DPP6: variants seen among roughly 807,000 people sequenced by gnomAD.
The protein encoded by DPP6 is dipeptidyl peptidase like 6.
A neutral mutation model predicts 122.6 loss-of-function variants in DPP6; 69 were observed. The ratio of observed to expected loss-of-function variants is 0.56; its 90% CI spans 0.46 to 0.69. The LOEUF is 0.69. Ranked by LOEUF, DPP6 falls within the 30% of genes least tolerant of loss-of-function variation. The pLI is 0.00. For synonymous variants in DPP6, 418 were observed against 433.1 expected, an observed-to-expected ratio of 0.97 and a Z score of 0.43; for missense variants, 928 against 1,116.9, an observed-to-expected ratio of 0.83 and a Z score of 2.41.
In DPP6 at chr7:154,295,246, G is replaced by A. The variant is rs561620848; in HGVS notation, c.244-150968G>A. On this transcript the variant is annotated intron_variant, in intron 1 of 25. Transcript: ENST00000377770. ...CCTGGAGGCCACCAGCCCAAAGCTG[G>A]AGTGAGACATGAGCTGGAGGGTAAC... is the stretch of plus-strand genomic sequence containing the variant. Among the ~76,000 whole-genome samples, 267 of 152,330 alleles carry A rather than the reference G, an allele frequency of 1.8e-3. 1 individual carries two copies. Among genetic ancestry groups the A allele is most frequent in the African/African-American group, 6.2e-3 (257 of 41,578 alleles).
At chr7:154,878,637 C>A (rs1055043139) in intron 20 of DPP6, among the ~76,000 whole-genome samples, 1 of 152,240 alleles carries the variant, frequency 6.6e-6, no homozygotes, top group Non-Finnish European at 1.5e-5. Flanking sequence ...CCACCATATC[C>A]TCACCGAGGA....
At position 154,481,496 on chromosome 7, in the gene DPP6, C is replaced by A. The variant is rs891097431; in HGVS notation, c.457+6459C>A. ...TCCCCCAACCTCTTCACAGACCCCC[C>A]GCTGCCCACTGTGCGAGCACAGCCC... is the stretch of plus-strand genomic sequence containing the variant. On this transcript the variant is annotated intron_variant, in intron 3 of 25. Coordinates refer to ENST00000377770, the MANE Select transcript of DPP6 (RefSeq NM_130797.4). The surrounding 1 kb of genome is among the most constrained non-coding windows in gnomAD (Gnocchi z 4.2). Among the ~76,000 whole-genome samples, 2 of 151,720 alleles carry A rather than the reference C, an allele frequency of 1.3e-5. No homozygotes were observed. The highest frequency in any genetic ancestry group is 4.8e-5 in the African/African-American group (2 of 41,266).
chr7:154,294,834 C>T (rs563879146), intron 1 of DPP6, among the ~76,000 whole-genome samples: 5 of 152,268 alleles, frequency 3.3e-5, no homozygotes, highest in East Asian at 1.9e-4. Context: ...TGTGTTCCCC[C>T]GACAATCTGT....
intron 16 of DPP6, among the ~76,000 whole-genome samples, chr7:154,807,890 T>C (rs944846444): frequency 3.9e-5 from 6 of 152,172 alleles, no homozygotes; most frequent in African/African-American, 1.4e-4. Context: ...TTTCCCTATG[T>C]CCCAATTCAT....
intron 1 of DPP6, among the ~76,000 whole-genome samples, chr7:154,382,753 C>G (rs1160225332): frequency 6.6e-6 from 1 of 152,126 alleles, no homozygotes; most frequent in African/African-American, 2.4e-5. Context: ...GTTTTTGAGA[C>G]AGAGTTTTGC....
At chr7:154,091,144 G>A (rs1006160481) in intron 1 of DPP6, among the ~76,000 whole-genome samples, 3 of 151,534 alleles carry the variant, frequency 2.0e-5, no homozygotes, top group African/African-American at 7.3e-5. Context: ...AATCAATTCT[G>A]TGCAATTCAG....
chr7:154,096,792 A>G (rs941774430), intron 1 of DPP6, among the ~76,000 whole-genome samples: 1 of 152,262 alleles, frequency 6.6e-6, no homozygotes, highest in African/African-American at 2.4e-5. Context: ...AATTATGATT[A>G]AATGATTTCT....
chr7:154,060,500 T>A (rs1210284204), intron 1 of DPP6, among the ~76,000 whole-genome samples: 1 of 134,938 alleles, frequency 7.4e-6, no homozygotes, highest in Non-Finnish European at 1.6e-5. Context: ...CTAAGATCCT[T>A]AGGACCCACC....
chr7:154,822,533 T>G (rs749782687), intron 16 of DPP6, among the ~76,000 whole-genome samples: 5 of 152,076 alleles, frequency 3.3e-5, no homozygotes, highest in Non-Finnish European at 5.9e-5. Flanking sequence ...ACACAAACAT[T>G]CAAACCATAG....
chr7:154,488,382 C>T (rs1454977261), intron 3 of DPP6, among the ~76,000 whole-genome samples: 1 of 151,228 alleles, frequency 6.6e-6, no homozygotes, highest in African/African-American at 2.4e-5. Context: ...CCCAGCTACT[C>T]GGGAGGCAGT....
At position 154,474,842 on chromosome 7, in the gene DPP6, T is replaced by G. The variant is rs1319969379; in HGVS notation, c.359-97T>G. 1.1e-5 allele frequency: 10 copies of G among 918,896 alleles called. No individual in the cohort carries two copies. In the African/African-American group the frequency reaches 1.6e-4, roughly 15 times the overall value. 56.9% of individuals were successfully genotyped at this position (918,896 alleles called of 1,614,324 possible). A position where few individuals can be genotyped will look rare whatever the true frequency, so the allele number is the denominator to read the frequency against. ...CTTATGGACGTCATGTGTGTTCCCA[T>G]CCATACTATTTATAAATGACAATCA... On this transcript the variant is annotated intron_variant, in intron 2 of 25. Transcript: ENST00000377770.
At chr7:154,148,187 G>A (rs190309978) in intron 1 of DPP6, among the ~76,000 whole-genome samples, 5,421 of 135,392 alleles carry the variant, frequency 0.04, 229 homozygotes, top group African/African-American at 0.15. Flanking sequence ...CACTGAGCAA[G>A]GCCTGGGGAG....
intron 1 of DPP6, among the ~76,000 whole-genome samples, chr7:153,972,374 G>C (rs2129033834): frequency 6.6e-6 from 1 of 152,088 alleles, no homozygotes; most frequent in South Asian, 2.1e-4. Context: ...AGGCACCAGT[G>C]TTCTGTGAAA....
intron 1 of DPP6, among the ~76,000 whole-genome samples, chr7:154,435,874 A>G (rs1818816830): frequency 1.3e-5 from 2 of 152,216 alleles, no homozygotes; most frequent in African/African-American, 4.8e-5. Flanking sequence ...AGAAGGAAGC[A>G]GTGTAATGGG....
At chr7:154,460,434 G>T (rs13246835) in intron 2 of DPP6, among the ~76,000 whole-genome samples, 8,689 of 151,820 alleles carry the variant, frequency 0.057, 308 homozygotes, top group East Asian at 0.14. Flanking sequence ...GTCCTCTATA[G>T]ATGTGTTTCA....
At chr7:153,749,652 C>A in the DPP6 span, among the ~76,000 whole-genome samples, 5 of 152,160 alleles carry the variant, frequency 3.3e-5, no homozygotes, top group African/African-American at 1.2e-4. This position sits in a 1 kb window ranked among gnomAD's most constrained non-coding sequence, Gnocchi z 4.1. Context: ...GCGCAAAAAA[C>A]CCAGATCGCC....
intron 3 of DPP6, among the ~76,000 whole-genome samples, chr7:154,510,080 A>C (rs1026603516): frequency 6.6e-6 from 1 of 152,160 alleles, no homozygotes; most frequent in African/African-American, 2.4e-5. Context: ...AAATTGATGA[A>C]TTGTATGGTG....
chr7:154,199,974 G>A (rs774852427), intron 1 of DPP6, among the ~76,000 whole-genome samples: 29 of 152,144 alleles, frequency 1.9e-4, no homozygotes, highest in Non-Finnish European at 3.2e-4. Flanking sequence ...AGCCCCGCCC[G>A]TAATGCCTGG....
chr7:154,336,599 TAG>T lies in DPP6; in HGVS notation c.244-109612_244-109611del, dbSNP rs201223154. On this transcript the variant is annotated intron_variant, in intron 1 of 25. Transcript: ENST00000377770. ...TCACACCTTGGAGTATGATTCAAAG[TAG>T]AGTTTGTAGTGAATTCCAAAAGGCA... Among the ~76,000 whole-genome samples the T allele has an allele frequency of 9.8e-3, 1,492 of 152,222 alleles. 15 individuals are homozygous for T. Among genetic ancestry groups the T allele is most frequent in the Non-Finnish European group, 0.013 (908 of 68,014 alleles).
Sources: gnomAD v4.1 joint callset for allele counts (sites outside exome capture counted in the v4.1 genomes callset) on GRCh38, gnomAD v4.1.1 for gene constraint, Gnocchi (gnomAD v3.1) non-coding constraint, MANE v1.5 for transcripts, NCBI Gene and HGNC (gene_info 2026-07-23, HGNC 2026-07-21) for gene names.